GLDN: variants seen among roughly 807,000 people sequenced by gnomAD.
GLDN encodes gliomedin.
In GLDN, 47 loss-of-function variants were observed where a neutral mutation model predicts 56.5. The observed-to-expected ratio is 0.83, with a 90% CI of 0.66 to 1.06. The LOEUF (loss-of-function observed/expected upper bound fraction) is 1.06. Among genes scored for constraint, GLDN ranks in the 50% least tolerant of loss-of-function variants. GLDN has a pLI of 0.00. For missense variants in GLDN, 782 were observed against 714.3 expected, an observed-to-expected ratio of 1.09 and a Z score of -1.08; for synonymous variants, 332 against 278.8, an observed-to-expected ratio of 1.19 and a Z score of -1.90.
At chr15:51,403,204 C>A (rs1280145500) in intron 9 of GLDN, among the ~76,000 whole-genome samples, 2 of 152,172 alleles carry the variant, frequency 1.3e-5, no homozygotes, top group African/African-American at 4.8e-5. Context: ...GAATTCGACC[C>A]TGTAATTGCT....
intron 4 of GLDN, among the ~76,000 whole-genome samples, chr15:51,391,893 G>A (rs1406711873): frequency 6.6e-6 from 1 of 152,186 alleles, no homozygotes; most frequent in Non-Finnish European, 1.5e-5. Flanking sequence ...TAGTGGTGAG[G>A]ACCCTGGGGC....
downstream of GLDN, among the ~76,000 whole-genome samples, chr15:51,410,449 T>C (rs1194221745): frequency 1.3e-5 from 2 of 152,162 alleles, no homozygotes; most frequent in South Asian, 2.1e-4. Context: ...GGCCTAGACA[T>C]CTCAGCCCAC....
chr15:51,368,317 C>T (rs2037446808), intron 1 of GLDN, among the ~76,000 whole-genome samples: 1 of 151,996 alleles, frequency 6.6e-6, no homozygotes, highest in Non-Finnish European at 1.5e-5. Context: ...AAAAAGTGAG[C>T]CAGTGACTGG....
At chr15:51,342,172 C>A in intron 1 of GLDN, 125 bp downstream of exon 1, 1 of 1,225,898 alleles carries the variant, frequency 8.2e-7, no homozygotes, top group Non-Finnish European at 1.1e-6. Context: ...GGGCTGTGGG[C>A]ATGAGTAGCT....
chr15:51,359,840 ATGGTGGCAGGCACCT>A lies in GLDN; in HGVS notation c.364-17608_364-17594del. Among the ~76,000 whole-genome samples the A allele has an allele frequency of 1.3e-5, 2 of 152,112 alleles. 1 individual carries two copies. The highest frequency in any genetic ancestry group is 4.2e-4 in the South Asian group (2 of 4,814). On this transcript the variant is annotated intron_variant, in intron 1 of 9. Transcript: ENST00000335449. ...AAATGCAAAAAAAAATTAGCCAGGC[ATGGTGGCAGGCACCT>A]GTAGTCCCAGCTGCTTGGGAGGCTG...
At chr15:51,356,328 A>T (rs1452144534) in intron 1 of GLDN, among the ~76,000 whole-genome samples, 1 of 152,112 alleles carries the variant, frequency 6.6e-6, no homozygotes, top group Non-Finnish European at 1.5e-5. Context: ...TGACAAAAGG[A>T]GCCACTTGGT....
At position 51,350,809 on chromosome 15, in the gene GLDN, G is replaced by A. The variant is rs147140350; in HGVS notation, c.363+8762G>A. ...CATATATAAGAAACAGGCGGGTCAA[G>A]GCTGATCATCTGGACCCATGAAAAT... On this transcript the variant is annotated intron_variant, in intron 1 of 9. Coordinates refer to ENST00000335449, the MANE Select transcript of GLDN (RefSeq NM_181789.4). 9.3e-4 allele frequency among the ~76,000 whole-genome samples: 141 copies of A among 152,286 alleles called. 1 individual carries two copies. Among genetic ancestry groups the A allele is most frequent in the African/African-American group, 3.2e-3 (135 of 41,552 alleles).
At position 51,343,820 on chromosome 15, in the gene GLDN, A is replaced by G. The variant is rs147963848; in HGVS notation, c.363+1773A>G. Reference sequence around the variant, plus strand: ...GTAGGCTTAGGAATCAGCTGGAAGCATATTACAGTGCAGATTCCAGGGCCT... The same window carrying G: ...GTAGGCTTAGGAATCAGCTGGAAGCGTATTACAGTGCAGATTCCAGGGCCT... On this transcript the variant is annotated intron_variant, in intron 1 of 9. Coordinates refer to ENST00000335449, the MANE Select transcript of GLDN (RefSeq NM_181789.4). 8.7e-3 allele frequency among the ~76,000 whole-genome samples: 1,325 copies of G among 152,294 alleles called. 20 individuals are homozygous for G. Among genetic ancestry groups the G allele is most frequent in the African/African-American group, 0.03 (1,249 of 41,546 alleles).
At chr15:51,409,684 C>T (rs912310497), downstream of GLDN, among the ~76,000 whole-genome samples, 1 of 152,114 alleles carries the variant, frequency 6.6e-6, no homozygotes, top group Non-Finnish European at 1.5e-5. Flanking sequence ...TGGATGGGAC[C>T]CCTACAGAAC....
intron 1 of GLDN, among the ~76,000 whole-genome samples, chr15:51,374,132 G>T (rs2037574846): frequency 1.3e-5 from 2 of 152,090 alleles, no homozygotes; most frequent in South Asian, 2.1e-4. Context: ...AAATCAAAAG[G>T]TCAGGAAATG....
At chr15:51,383,130 A>G (rs2037803414) in intron 2 of GLDN, among the ~76,000 whole-genome samples, 1 of 152,208 alleles carries the variant, frequency 6.6e-6, no homozygotes, top group South Asian at 2.1e-4. Flanking sequence ...GGCCACCAGC[A>G]TTGTTACTGG....
chr15:51,378,158 C>G (rs1253525923), intron 2 of GLDN, among the ~76,000 whole-genome samples: 1 of 152,134 alleles, frequency 6.6e-6, no homozygotes, highest in Non-Finnish European at 1.5e-5. Context: ...GTGAATAAAC[C>G]TGTGAGTATA....
intron 3 of GLDN, 111 bp downstream of exon 3, chr15:51,383,564 CTG>C (rs2037816380): frequency 9.3e-6 from 12 of 1,292,404 alleles, no homozygotes; most frequent in Non-Finnish European, 1.1e-5. Context: ...GCAGTCCTGG[CTG>C]TGTGTCTCCT....
downstream of GLDN, among the ~76,000 whole-genome samples, chr15:51,412,047 G>A (rs1410457802): frequency 6.6e-6 from 1 of 152,228 alleles, no homozygotes; most frequent in African/African-American, 2.4e-5. Flanking sequence ...TGTTGTTCAT[G>A]TTATTGAGTG....
At chr15:51,393,243 A>T (rs1255215438) in intron 4 of GLDN, among the ~76,000 whole-genome samples, 2 of 152,120 alleles carry the variant, frequency 1.3e-5, no homozygotes, top group African/African-American at 4.8e-5. Context: ...CAAATTTTGG[A>T]CTCTCAGCAG....
At chr15:51,409,684 C>G (rs912310497), downstream of GLDN, among the ~76,000 whole-genome samples, 5 of 152,114 alleles carry the variant, frequency 3.3e-5, no homozygotes, top group Admixed American at 3.3e-4. Context: ...TGGATGGGAC[C>G]CCTACAGAAC....
intron 1 of GLDN, among the ~76,000 whole-genome samples, chr15:51,356,125 T>G (rs1004923006): frequency 6.6e-6 from 1 of 150,602 alleles, no homozygotes; most frequent in Admixed American, 6.6e-5. Context: ...CGGACTGTCT[T>G]AAACCCGGGA....
At chr15:51,395,097 C>A in intron 5 of GLDN, 116 bp downstream of exon 5, 2 of 1,050,086 alleles carry the variant, frequency 1.9e-6, no homozygotes, top group Non-Finnish European at 2.7e-6. Flanking sequence ...ATGTGGCCAT[C>A]TGTTTTGCAG....
At chr15:51,357,732 G>T (rs528433992) in intron 1 of GLDN, among the ~76,000 whole-genome samples, 1 of 152,188 alleles carries the variant, frequency 6.6e-6, no homozygotes, top group South Asian at 2.1e-4. Flanking sequence ...CTCTGCAGCC[G>T]CCCATGCATG....
Sources: allele counts gnomAD v4.1 joint callset (sites outside exome capture counted in the v4.1 genomes callset), GRCh38; gene constraint gnomAD v4.1.1; transcripts MANE v1.5; gene names NCBI Gene and HGNC (gene_info 2026-07-23, HGNC 2026-07-21).